Variants in PAQR3 observed in about 807,000 individuals in gnomAD.
PAQR3 encodes Raf kinase trapping to Golgi.
A neutral mutation model predicts 41.7 loss-of-function variants in PAQR3; 39 were observed. The ratio of observed to expected loss-of-function variants is 0.93; its 90% CI spans 0.72 to 1.22. The LOEUF (loss-of-function observed/expected upper bound fraction) is 1.22, where lower values mean the gene tolerates loss of function less well. Ranked by LOEUF, PAQR3 falls within the 50% of genes most tolerant of loss-of-function variation. The pLI is 0.00. For missense variants in PAQR3, 366 were observed against 385.6 expected (o/e 0.95, Z 0.42); for synonymous variants, 140 against 140.6 (o/e 1.00, Z 0.03).
Position 78,920,490 on chromosome 4 carries a change from C to G in PAQR3, c.*49G>C. On this transcript the variant is annotated 3_prime_UTR_variant, in exon 6 of 6. Transcript: ENST00000512733. The stretch of plus-strand genomic sequence containing the variant: ...TAGAAATAGTGGGGTATACAATTCC[C>G]CATTATATATTGCTTAACAACTGAA... 6.4e-7 allele frequency: 1 copy of G among 1,562,736 alleles called. No individual in the cohort carries two copies. Among genetic ancestry groups the G allele is most frequent in the Non-Finnish European group, 8.7e-7 (1 of 1,153,936 alleles).
chr4:78,918,344 A>G lies in PAQR3; in HGVS notation c.*2195T>C, dbSNP rs1320603776. The G allele has an allele frequency of 7.5e-5, 73 of 977,994 alleles. No homozygotes were observed. The highest frequency in any genetic ancestry group is 1.2e-4 in the Admixed American group (2 of 16,202). The allele number at this position is 977,994 out of a possible 1,614,324, so 60.6% of individuals were successfully genotyped here. On this transcript the variant is annotated 3_prime_UTR_variant, in exon 6 of 6. Transcript: ENST00000512733. ...TTTTTTAATGTTAACAATGTCTTCAAAATTTTACCAGTAGTGCTGTGCACA... is the reference window on the plus strand; with the variant it reads ...TTTTTTAATGTTAACAATGTCTTCAGAATTTTACCAGTAGTGCTGTGCACA...
downstream of PAQR3, chr4:78,910,706 A>G (rs2110109557): frequency 6.2e-7 from 1 of 1,613,142 alleles, no homozygotes; most frequent in South Asian, 1.1e-5. Flanking sequence ...GCATCTAAAG[A>G]TCAGCGGACT....
chr4:78,935,109 G>A lies in PAQR3; in HGVS notation c.348+12C>T. 1 of 1,610,960 alleles carries A rather than the reference G, an allele frequency of 6.2e-7. No individual in the cohort carries two copies. Among genetic ancestry groups the A allele is most frequent in the African/African-American group, 1.3e-5 (1 of 74,868 alleles). On this transcript the variant is annotated intron_variant, in intron 2 of 5. Coordinates refer to ENST00000512733, the MANE Select transcript of PAQR3 (RefSeq NM_001040202.2). Reference sequence around the variant, plus strand: ...TCTCTTTACCAACAGCAGTATTTGTGAAATGACTTACCTGGAAGCAGAAAA... The same window carrying A: ...TCTCTTTACCAACAGCAGTATTTGTAAAATGACTTACCTGGAAGCAGAAAA...
At chr4:78,922,955 C>T (rs1432752865) in intron 5 of PAQR3, 1 of 456,118 alleles carries the variant, frequency 2.2e-6, no homozygotes, top group Admixed American at 2.4e-5. Context: ...CCAGTGTCCT[C>T]TTAGTTATTT....
Position 78,915,904 on chromosome 4 carries a change from T to C in PAQR3, c.*4635A>G, listed in dbSNP as rs748951622. 3 of 152,000 alleles carry C rather than the reference T, an allele frequency of 2.0e-5. No homozygotes were observed. Among genetic ancestry groups the C allele is most frequent in the Non-Finnish European group, 2.9e-5 (2 of 67,906 alleles). 9.4% of individuals were successfully genotyped at this position (152,000 alleles called of 1,614,324 possible). On this transcript the variant is annotated 3_prime_UTR_variant, in exon 6 of 6. Transcript: ENST00000512733. ...GAAAAGTCATCTAATAGAAGCTGTA[T>C]AGAAGCTACTTTTTAATTGCTGGCA...
downstream of PAQR3, chr4:78,911,562 G>A: frequency 1.2e-6 from 2 of 1,614,034 alleles, no homozygotes; most frequent in Non-Finnish European, 1.7e-6. Context: ...CTAGCACAAA[G>A]AAGACTTTGA....
chr4:78,904,038 T>TA (rs1734157657), intron 11 of PAQR3, among the ~76,000 whole-genome samples: 1 of 151,946 alleles, frequency 6.6e-6, no homozygotes, highest in Admixed American at 6.6e-5. Context: ...AATCCTTTCT[T>TA]ATGCTTTCAA....
intron 5 of PAQR3, chr4:78,921,550 A>T (rs2867495): frequency 0.047 from 30,786 of 659,978 alleles, 937 homozygotes; most frequent in East Asian, 0.21. Context: ...CCATTTTTTT[A>T]AAAAACAAAA....
At position 78,913,558 on chromosome 4, in the gene PAQR3, T is replaced by A. The variant is rs1389418494; in HGVS notation, c.*6981A>T. On this transcript the variant is annotated 3_prime_UTR_variant, in exon 6 of 6. Coordinates refer to ENST00000512733, the MANE Select transcript of PAQR3 (RefSeq NM_001040202.2). ...GGAGTAGAAACTCATCAACTGGCACTCTCTTTGATTTTTATATTTTAAATT... is the reference window on the plus strand; with the variant it reads ...GGAGTAGAAACTCATCAACTGGCACACTCTTTGATTTTTATATTTTAAATT... 2 of 152,006 alleles carry A rather than the reference T, an allele frequency of 1.3e-5. No homozygotes were observed. Among genetic ancestry groups the A allele is most frequent in the African/African-American group, 4.8e-5 (2 of 41,458 alleles). 9.4% of individuals were successfully genotyped at this position (152,006 alleles called of 1,614,324 possible). A position where few individuals can be genotyped will look rare whatever the true frequency, so the allele number is the denominator to read the frequency against.
rs1358646210 is a variant in PAQR3 at position 78,912,140 on chromosome 4, G to C, written c.*8399C>G. On this transcript the variant is annotated 3_prime_UTR_variant, in exon 6 of 6. Transcript: ENST00000512733. ...GCTCTTTATAGCATTCATTCTTAAAGATCAGTCAGAATAGGTGATTTCTAA... is the reference window on the plus strand; with the variant it reads ...GCTCTTTATAGCATTCATTCTTAAACATCAGTCAGAATAGGTGATTTCTAA... The C allele has an allele frequency of 1.0e-6, 1 of 1,004,676 alleles. No individual in the cohort carries two copies. The highest frequency in any genetic ancestry group is 1.5e-6 in the Non-Finnish European group (1 of 668,506). 62.2% of individuals were successfully genotyped at this position (1,004,676 alleles called of 1,614,324 possible). A position where few individuals can be genotyped will look rare whatever the true frequency, so the allele number is the denominator to read the frequency against.
intron 11 of PAQR3, among the ~76,000 whole-genome samples, chr4:78,905,191 G>A (rs1198894843): frequency 6.6e-6 from 1 of 151,748 alleles, no homozygotes; most frequent in Non-Finnish European, 1.5e-5. Flanking sequence ...GATATTGGTT[G>A]ATCATATAGA....
intron 11 of PAQR3, among the ~76,000 whole-genome samples, chr4:78,890,068 C>T (rs77210405): frequency 0.067 from 10,211 of 151,860 alleles, 1,045 homozygotes; most frequent in African/African-American, 0.23. Context: ...TTAGTATATA[C>T]TTTTTTCTGC....
chr4:78,926,836 A>G, intron 3 of PAQR3, 118 bp from the exon 4 acceptor site: 1 of 849,762 alleles, frequency 1.2e-6, no homozygotes, highest in Non-Finnish European at 1.9e-6. Flanking sequence ...TTGCATTTCA[A>G]AATAGGATTA....
rs1217475746 is a variant in PAQR3 at position 78,912,214 on chromosome 4, T to C, written c.*8325A>G. 1.2e-5 allele frequency: 7 copies of C among 580,076 alleles called. No individual in the cohort carries two copies. The highest frequency in any genetic ancestry group is 5.6e-5 in the African/African-American group (3 of 53,204). The allele number at this position is 580,076 out of a possible 1,614,324, so 35.9% of individuals were successfully genotyped here. On this transcript the variant is annotated 3_prime_UTR_variant, in exon 6 of 6. Coordinates refer to ENST00000512733, the MANE Select transcript of PAQR3 (RefSeq NM_001040202.2). ...TATCTCTACAGGGTAGTAACTTGATTCCTCTTCAGGAGAAAAGGGAGCTAA... is the reference window on the plus strand; with the variant it reads ...TATCTCTACAGGGTAGTAACTTGATCCCTCTTCAGGAGAAAAGGGAGCTAA...
intron 11 of PAQR3, among the ~76,000 whole-genome samples, chr4:78,892,324 A>G (rs1166343585): frequency 1.3e-5 from 2 of 152,074 alleles, no homozygotes; most frequent in Non-Finnish European, 2.9e-5. Context: ...TTATATTTTT[A>G]AAGAAATTTG....
chr4:78,939,314 C>T lies in PAQR3; in HGVS notation c.-90G>A. 8.0e-7 allele frequency: 1 copy of T among 1,248,862 alleles called. No homozygotes were observed. The highest frequency in any genetic ancestry group is 1.1e-6 in the Non-Finnish European group (1 of 945,092). The allele number at this position is 1,248,862 out of a possible 1,614,324, so 77.4% of individuals were successfully genotyped here. On this transcript the variant is annotated 5_prime_UTR_variant, in exon 1 of 6. Coordinates refer to ENST00000512733, the MANE Select transcript of PAQR3 (RefSeq NM_001040202.2). ...GGCTTCGCCGCTGGCGCCCCCGCCC[C>T]GGAGCCCGCGGACGCTGCGCGAGGT...
intron 2 of PAQR3, among the ~76,000 whole-genome samples, chr4:78,932,628 TTC>T (rs1420579398): frequency 2.6e-5 from 4 of 152,190 alleles, no homozygotes; most frequent in Non-Finnish European, 5.9e-5. Context: ...TTCCACAAAC[TTC>T]TGTTTGCCTA....
chr4:78,930,501 T>G, intron 2 of PAQR3, 176 bp from the exon 3 acceptor site: 2 of 463,954 alleles, frequency 4.3e-6, no homozygotes, highest in Non-Finnish European at 7.2e-6. Context: ...TAGAGCCATG[T>G]AGAGCCATGA....
chr4:78,919,734 G>A lies in PAQR3; in HGVS notation c.*805C>T. Reference sequence around the variant, plus strand: ...TCTGGAATTTTGGGATCAAAAACCTGTAATCCACTCACAAGAATTCAGTTA... The same window carrying A: ...TCTGGAATTTTGGGATCAAAAACCTATAATCCACTCACAAGAATTCAGTTA... On this transcript the variant is annotated 3_prime_UTR_variant, in exon 6 of 6. Coordinates refer to ENST00000512733, the MANE Select transcript of PAQR3 (RefSeq NM_001040202.2). 1 of 984,838 alleles carries A rather than the reference G, an allele frequency of 1.0e-6. No homozygotes were observed. Among genetic ancestry groups the A allele is most frequent in the Non-Finnish European group, 1.2e-6 (1 of 829,568 alleles). The allele number at this position is 984,838 out of a possible 1,614,324, so 61.0% of individuals were successfully genotyped here.
Sources: allele counts gnomAD v4.1 joint callset (sites outside exome capture counted in the v4.1 genomes callset), GRCh38; gene constraint gnomAD v4.1.1; transcripts MANE v1.5; gene names NCBI Gene and HGNC (gene_info 2026-07-23, HGNC 2026-07-21).